PTPRG: variants seen among roughly 807,000 people sequenced by gnomAD.
PTPRG encodes the protein protein tyrosine phosphatase receptor type G, also known as receptor-type tyrosine-protein phosphatase gamma.
A neutral mutation model predicts 165.3 loss-of-function variants in PTPRG; 102 were observed. That is an observed-to-expected ratio of 0.62 (90% confidence interval 0.53 to 0.73). PTPRG has a LOEUF of 0.73. Ranked by LOEUF, PTPRG falls within the 30% of genes least tolerant of loss-of-function variation. PTPRG has a pLI of 0.00. For synonymous variants in PTPRG, 675 were observed against 669.5 expected, an observed-to-expected ratio of 1.01 and a Z score of -0.13; for missense variants, 1,866 against 1,861.4, an observed-to-expected ratio of 1.00 and a Z score of -0.05.
In PTPRG at chr3:61,659,415, G is replaced by A. The variant is rs886220076; in HGVS notation, c.86-89463G>A. The A allele has an allele frequency of 3.2e-5, 32 of 985,226 alleles. No homozygotes were observed. In the Admixed American group the frequency reaches 4.3e-4, roughly 13 times the overall value. 61.0% of individuals were successfully genotyped at this position (985,226 alleles called of 1,614,324 possible). A position where few individuals can be genotyped will look rare whatever the true frequency, so the allele number is the denominator to read the frequency against. ...GAAGAAGATAGTTTGATGAGGCTGTGTACACTTCTTAAAAGTGAAAAAGCC... is the reference window on the plus strand; with the variant it reads ...GAAGAAGATAGTTTGATGAGGCTGTATACACTTCTTAAAAGTGAAAAAGCC... On this transcript the variant is annotated intron_variant, in intron 1 of 29. Transcript: ENST00000474889.
chr3:61,770,831 T>C (rs1356696356), intron 2 of PTPRG: 3 of 152,232 alleles, frequency 2.0e-5, no homozygotes, highest in African/African-American at 7.2e-5. Context: ...TTTTATTTTA[T>C]TTTTGCCTGC....
At chr3:62,156,965 C>A in intron 6 of PTPRG, 102 bp from the exon 7 acceptor site, 1 of 1,049,214 alleles carries the variant, frequency 9.5e-7, no homozygotes, top group Non-Finnish European at 1.4e-6. Flanking sequence ...AAACATAAGG[C>A]TTGCGATGTG....
chr3:61,795,429 G>C (rs1367974188), intron 2 of PTPRG, among the ~76,000 whole-genome samples: 3 of 151,642 alleles, frequency 2.0e-5, no homozygotes, highest in Non-Finnish European at 2.9e-5. Flanking sequence ...GATCATCTGA[G>C]GTCAGTTCAA....
intron 1 of PTPRG, among the ~76,000 whole-genome samples, chr3:61,653,577 TGA>T (rs1217792733): frequency 1.3e-5 from 2 of 152,232 alleles, no homozygotes; most frequent in African/African-American, 2.4e-5. Context: ...TGAACAAGGC[TGA>T]TCCCTGTCCT....
At position 62,273,755 on chromosome 3, in the gene PTPRG, G is replaced by C. The variant is rs764183198; in HGVS notation, c.3376G>C (p.Glu1126Gln). The part of the protein sequence containing the change: ...LLEAILGKET[E>Q]VSSNQLHSYV... ...GGAAGCCATTCTTGGAAAGGAGACT[G>C]AAGTATCTTCAAATCAGCTGCACAG... is the stretch of plus-strand genomic sequence containing the variant. Residue 1126 changes from glutamate to glutamine, a missense_variant, in exon 23 of 30, where the codon GAA (glutamate) becomes CAA (glutamine). Transcript: ENST00000474889. This position sits in a 1 kb window ranked among gnomAD's most constrained non-coding sequence, Gnocchi z 4.1. 40 of 1,613,726 alleles carry C rather than the reference G, an allele frequency of 2.5e-5. No homozygotes were observed. The South Asian group carries it at 4.4e-4, about 18-fold the overall frequency.
chr3:61,933,810 C>T (rs2039419715), intron 2 of PTPRG, among the ~76,000 whole-genome samples: 1 of 152,196 alleles, frequency 6.6e-6, no homozygotes, highest in South Asian at 2.1e-4. Context: ...CTTGTCTCCT[C>T]AATGATACCA....
rs116787035 is a variant in PTPRG at position 61,744,492 on chromosome 3, A to G, written c.86-4386A>G. On this transcript the variant is annotated intron_variant, in intron 1 of 29. Transcript: ENST00000474889. Reference sequence around the variant, plus strand: ...TGGATACTGTAGGTAATTGTAGCACAGTGGTAAGTATCTGTGTATCTAAAC... The same window carrying G: ...TGGATACTGTAGGTAATTGTAGCACGGTGGTAAGTATCTGTGTATCTAAAC... Among the ~76,000 whole-genome samples, 819 of 152,344 alleles carry G rather than the reference A, an allele frequency of 5.4e-3. 6 individuals are homozygous for G. Among genetic ancestry groups the G allele is most frequent in the Middle Eastern group, 0.024 (7 of 294 alleles).
chr3:62,184,966 C>T (rs1238557994), intron 8 of PTPRG, among the ~76,000 whole-genome samples: 2 of 150,160 alleles, frequency 1.3e-5, no homozygotes, highest in Non-Finnish European at 3.0e-5. Context: ...ATTACACTGA[C>T]TTTCAGACAG....
At chr3:61,823,993 G>A (rs764580065) in intron 2 of PTPRG, among the ~76,000 whole-genome samples, 4 of 152,074 alleles carry the variant, frequency 2.6e-5, no homozygotes, top group African/African-American at 9.7e-5. Flanking sequence ...GCGTGGTGGC[G>A]GGCGCCTGTA....
At chr3:62,081,457 C>T (rs1171732547) in intron 5 of PTPRG, among the ~76,000 whole-genome samples, 1 of 152,036 alleles carries the variant, frequency 6.6e-6, no homozygotes, top group Non-Finnish European at 1.5e-5. Context: ...GATCCTCCTG[C>T]AACAGCCTCC....
At position 62,191,624 on chromosome 3, in the gene PTPRG, A is replaced by G. The variant is rs1390532391; in HGVS notation, c.1189A>G (p.Thr397Ala). The G allele has an allele frequency of 6.2e-7, 1 of 1,614,168 alleles. No homozygotes were observed. The highest frequency in any genetic ancestry group is 8.5e-7 in the Non-Finnish European group (1 of 1,180,016). The change falls in exon 9 of 30, where the codon ACG becomes GCG. Residue 397 changes from threonine to alanine, a missense_variant. Thr to Ala is a moderately conservative substitution (Grantham distance 58). Transcript: ENST00000474889. The stretch of plus-strand genomic sequence containing the variant: ...CAAGAATGAGGACGAGAAGGAGAAG[A>G]CGTTTACAAAGGACAGCGACAAAGA... ...WTKNEDEKEK[T>A]FTKDSDKDLK... is the part of the protein sequence containing the mutation.
In PTPRG at chr3:61,841,571, C is replaced by A. The variant is rs79253362; in HGVS notation, c.190+92589C>A. On this transcript the variant is annotated intron_variant, in intron 2 of 29. Transcript: ENST00000474889. ...CAAACAAGATGTGATTAAACTTAGC[C>A]CTCGTCCACCACCACCCCCACCTTA... is the stretch of plus-strand genomic sequence containing the variant. 5.0e-3 allele frequency among the ~76,000 whole-genome samples: 767 copies of A among 152,206 alleles called. 8 individuals are homozygous for A. Among genetic ancestry groups the A allele is most frequent in the African/African-American group, 0.018 (734 of 41,504 alleles).
intron 1 of PTPRG, among the ~76,000 whole-genome samples, chr3:61,609,065 T>G (rs1003332499): frequency 6.6e-6 from 1 of 152,150 alleles, no homozygotes; most frequent in Non-Finnish European, 1.5e-5. Context: ...TAGAGAGGGT[T>G]AGATATAGAT....
At chr3:62,077,789 A>G (rs1701437396) in intron 4 of PTPRG, among the ~76,000 whole-genome samples, 2 of 152,134 alleles carry the variant, frequency 1.3e-5, no homozygotes, top group South Asian at 2.1e-4. Flanking sequence ...AGATCACTTT[A>G]GGTCAAGAGT....
At chr3:61,931,558 G>T (rs2039361420) in intron 2 of PTPRG, among the ~76,000 whole-genome samples, 1 of 152,152 alleles carries the variant, frequency 6.6e-6, no homozygotes, top group South Asian at 2.1e-4. Context: ...GCCCAAATGG[G>T]TTACTGCTCT....
chr3:61,692,021 A>G (rs1040883538), intron 1 of PTPRG, among the ~76,000 whole-genome samples: 1 of 152,246 alleles, frequency 6.6e-6, no homozygotes, highest in Non-Finnish European at 1.5e-5. Flanking sequence ...ATTTCATGAT[A>G]CATTTTTTAC....
chr3:61,826,164 C>T lies in PTPRG; in HGVS notation c.190+77182C>T, dbSNP rs1055355646. Among the ~76,000 whole-genome samples the T allele has an allele frequency of 2.0e-4, 31 of 152,170 alleles. 1 individual carries two copies. Among genetic ancestry groups the T allele is most frequent in the African/African-American group, 4.3e-4 (18 of 41,512 alleles). On this transcript the variant is annotated intron_variant, in intron 2 of 29. Transcript: ENST00000474889. Reference sequence around the variant, plus strand: ...TTTTATTTGGTTGTGTCGTTTTGCACGGAATAGTAGGGAGAAGCCTCCTGA... The same window carrying T: ...TTTTATTTGGTTGTGTCGTTTTGCATGGAATAGTAGGGAGAAGCCTCCTGA...
At chr3:62,124,311 T>A in intron 5 of PTPRG, 1 of 1,606,046 alleles carries the variant, frequency 6.2e-7, no homozygotes, top group Non-Finnish European at 8.5e-7. Context: ...AGCGGCATCC[T>A]GGATGCCTGG....
intron 4 of PTPRG, among the ~76,000 whole-genome samples, chr3:62,054,728 A>G (rs141325250): frequency 6.6e-6 from 1 of 152,294 alleles, no homozygotes; most frequent in African/African-American, 2.4e-5. Context: ...TTTTTGAGTT[A>G]TATTTTGCAG....
Sources: gnomAD v4.1 joint callset for allele counts (sites outside exome capture counted in the v4.1 genomes callset) on GRCh38, gnomAD v4.1.1 for gene constraint, Gnocchi (gnomAD v3.1) non-coding constraint, MANE v1.5 for transcripts, NCBI Gene and HGNC (gene_info 2026-07-23, HGNC 2026-07-21) for gene names.